Variants in RORA observed in about 807,000 individuals in gnomAD.
The protein encoded by RORA is RAR related orphan receptor A, also known as nuclear receptor ROR-alpha.
In RORA, 7 loss-of-function variants were observed where a neutral mutation model predicts 69.5. The ratio of observed to expected loss-of-function variants is 0.10; its 90% CI spans 0.06 to 0.19. The LOEUF (loss-of-function observed/expected upper bound fraction) is 0.19. Among genes scored for constraint, RORA ranks in the 10% least tolerant of loss-of-function variants. The pLI, the probability that RORA is intolerant of heterozygous loss-of-function variation, is 1.00. For missense variants in RORA, 457 were observed against 663.0 expected (o/e 0.69, Z 3.41); for synonymous variants, 261 against 240.8 (o/e 1.08, Z -0.78).
intron 2 of RORA, among the ~76,000 whole-genome samples, chr15:60,634,492 C>A (rs9944250): frequency 0.45 from 68,353 of 150,634 alleles, 15,616 homozygotes; most frequent in East Asian, 0.67. Context: ...GCAACCTCCC[C>A]CTCCCGGGTT....
rs1257849597 is a variant in RORA, at chr15:60,493,516, A to G, written c.*3939T>C. 6.6e-6 allele frequency: 1 copy of G among 152,206 alleles called. No individual in the cohort carries two copies. Among genetic ancestry groups the G allele is most frequent in the East Asian group, 1.9e-4 (1 of 5,194 alleles). 9.4% of individuals were successfully genotyped at this position (152,206 alleles called of 1,614,324 possible). ...TTGTTTTGCATTTTGGAATGTCGGA[A>G]CACAACAACTAGCTATTCCTTAGTC... is the stretch of plus-strand genomic sequence containing the variant. On this transcript the variant is annotated 3_prime_UTR_variant, in exon 11 of 11. Coordinates refer to ENST00000335670, the MANE Select transcript of RORA (RefSeq NM_134261.3).
chr15:60,876,605 C>G lies in RORA; in HGVS notation c.167-197919G>C, dbSNP rs149386830. 3.3e-5 allele frequency among the ~76,000 whole-genome samples: 5 copies of G among 152,182 alleles called. No homozygotes were observed. The East Asian group carries it at 9.7e-4, about 29-fold the overall frequency. On this transcript the variant is annotated intron_variant, in intron 1 of 10. Transcript: ENST00000335670. The stretch of plus-strand genomic sequence containing the variant: ...TCTGCCTGTGACACCATGGAGCACA[C>G]TTGTTAGGATTTTTGCTGATTTTTT...
intron 1 of RORA, among the ~76,000 whole-genome samples, chr15:60,718,913 T>C (rs1419244182): frequency 6.6e-6 from 1 of 152,176 alleles, no homozygotes; most frequent in Non-Finnish European, 1.5e-5. Flanking sequence ...TATTACTACC[T>C]AGGCAAAGTT....
chr15:61,130,484 G>A (rs766107986), intron 1 of RORA, among the ~76,000 whole-genome samples: 9 of 152,168 alleles, frequency 5.9e-5, no homozygotes, highest in Non-Finnish European at 8.8e-5. Context: ...ACTGCCTTTC[G>A]CAGTGTGAGA....
At chr15:60,789,993 A>G (rs1364864173) in intron 1 of RORA, among the ~76,000 whole-genome samples, 1 of 152,242 alleles carries the variant, frequency 6.6e-6, no homozygotes, top group East Asian at 1.9e-4. Context: ...GATACAACCG[A>G]TAAGTGTTGA....
At chr15:61,069,000 T>G (rs573712319) in intron 1 of RORA, among the ~76,000 whole-genome samples, 2 of 152,364 alleles carry the variant, frequency 1.3e-5, no homozygotes, top group South Asian at 4.1e-4. Context: ...GATTCCTTCC[T>G]TCTAATCATC....
intron 1 of RORA, among the ~76,000 whole-genome samples, chr15:60,963,704 T>C (rs1441004263): frequency 6.6e-6 from 1 of 152,218 alleles, no homozygotes. Context: ...TTCTACTAAA[T>C]GCTATAGAAC....
chr15:60,743,180 A>T (rs1340308523), intron 1 of RORA, among the ~76,000 whole-genome samples: 1 of 151,864 alleles, frequency 6.6e-6, no homozygotes, highest in Non-Finnish European at 1.5e-5. Context: ...ATGCCCGGCT[A>T]ATTTTTGTAT....
intron 1 of RORA, among the ~76,000 whole-genome samples, chr15:60,863,953 C>T (rs1269394963): frequency 6.6e-6 from 1 of 152,106 alleles, no homozygotes; most frequent in East Asian, 1.9e-4. Flanking sequence ...ACTACAGGTG[C>T]GTGCCACTGT....
intron 1 of RORA, among the ~76,000 whole-genome samples, chr15:60,743,172 G>A (rs578054863): frequency 5.9e-5 from 9 of 151,936 alleles, no homozygotes; most frequent in Non-Finnish European, 1.0e-4. Flanking sequence ...GTACCACCAT[G>A]CCCGGCTAAT....
chr15:60,797,052 A>G (rs1028513962), intron 1 of RORA, among the ~76,000 whole-genome samples: 4 of 147,846 alleles, frequency 2.7e-5, no homozygotes, highest in East Asian at 3.9e-4. Flanking sequence ...TATATTATCT[A>G]TATATTTATT....
At chr15:60,500,915 T>C in intron 9 of RORA, 44 bp downstream of exon 9, 1 of 1,137,252 alleles carries the variant, frequency 8.8e-7, no homozygotes, top group South Asian at 1.3e-5. Flanking sequence ...TTCTTTATCT[T>C]AGACAATTCG....
chr15:61,010,076 C>G (rs1895040777), intron 1 of RORA, among the ~76,000 whole-genome samples: 1 of 152,144 alleles, frequency 6.6e-6, no homozygotes, highest in Non-Finnish European at 1.5e-5. Flanking sequence ...CATATTTAGG[C>G]AGGGAGGAAC....
At chr15:60,806,127 T>A (rs562018940) in intron 1 of RORA, among the ~76,000 whole-genome samples, 2 of 152,228 alleles carry the variant, frequency 1.3e-5, no homozygotes, top group South Asian at 4.1e-4. Context: ...TTCCTTTCAG[T>A]AGAAAAGTCA....
At chr15:61,116,537 T>C (rs567175765) in intron 1 of RORA, among the ~76,000 whole-genome samples, 2 of 152,248 alleles carry the variant, frequency 1.3e-5, no homozygotes, top group African/African-American at 4.8e-5. Flanking sequence ...TTCAACAAGG[T>C]AGTGAAATAA....
At chr15:60,549,830 C>T (rs944958149) in intron 2 of RORA, among the ~76,000 whole-genome samples, 17 of 152,124 alleles carry the variant, frequency 1.1e-4, no homozygotes, top group African/African-American at 4.1e-4. Context: ...CAATAGGACA[C>T]CAGTGCTTTT....
chr15:60,574,997 G>A (rs1458539686), intron 2 of RORA, among the ~76,000 whole-genome samples: 2 of 152,026 alleles, frequency 1.3e-5, no homozygotes, highest in Non-Finnish European at 2.9e-5. Context: ...AGAAGAGGAG[G>A]TCTGGAGATT....
intron 1 of RORA, among the ~76,000 whole-genome samples, chr15:60,807,494 T>C (rs2072676444): frequency 6.6e-6 from 1 of 152,120 alleles, no homozygotes; most frequent in African/African-American, 2.4e-5. Context: ...AAAATGACCA[T>C]ACTGCCAAAA....
intron 1 of RORA, among the ~76,000 whole-genome samples, chr15:60,791,297 T>C (rs1370365918): frequency 1.3e-5 from 2 of 152,210 alleles, no homozygotes; most frequent in African/African-American, 4.8e-5. Context: ...AATATCTAAA[T>C]ATAAATGTAA....
Sources: allele counts gnomAD v4.1 joint callset (sites outside exome capture counted in the v4.1 genomes callset), GRCh38; gene constraint gnomAD v4.1.1; transcripts MANE v1.5; gene names NCBI Gene and HGNC (gene_info 2026-07-23, HGNC 2026-07-21).